USP33: variants seen among roughly 807,000 people sequenced by gnomAD.
USP33 encodes ubiquitin carboxyl-terminal hydrolase 33.
Under a neutral mutation model 124.2 loss-of-function variants are expected in USP33, and 46 were observed. The observed-to-expected ratio is 0.37, with a 90% CI of 0.29 to 0.47. The LOEUF is 0.47. USP33 is among the 20% of genes least tolerant of loss of function. USP33 has a pLI of 0.99. For synonymous variants in USP33, 350 were observed against 352.3 expected (o/e 0.99, Z 0.07); for missense variants, 851 against 1,070.6 (o/e 0.79, Z 2.86).
chr1:77,730,578 A>G, intron 8 of USP33, 40 bp downstream of exon 8: 1 of 1,370,638 alleles, frequency 7.3e-7, no homozygotes, highest in Non-Finnish European at 9.8e-7. Context: ...ATATTCATTT[A>G]AAAGTTTAAT....
intron 21 of USP33, among the ~76,000 whole-genome samples, chr1:77,709,902 C>T (rs1675052438): frequency 6.6e-6 from 1 of 151,670 alleles, no homozygotes; most frequent in Middle Eastern, 3.2e-3. Context: ...CACACACACA[C>T]ACACACACAC....
chr1:77,749,426 G>T (rs1168708083), intron 1 of USP33, among the ~76,000 whole-genome samples: 1 of 151,402 alleles, frequency 6.6e-6, no homozygotes, highest in Non-Finnish European at 1.5e-5. Context: ...CTGCTGCCCA[G>T]GCTGGAGTGC....
chr1:77,721,070 C>T (rs947215828), intron 15 of USP33, 102 bp downstream of exon 15: 5 of 1,313,364 alleles, frequency 3.8e-6, no homozygotes, highest in South Asian at 2.5e-5. Context: ...TTCTGGCCTA[C>T]ATTTTTCTAA....
intron 10 of USP33, among the ~76,000 whole-genome samples, chr1:77,726,305 G>A (rs1258256066): frequency 1.3e-5 from 2 of 151,586 alleles, no homozygotes; most frequent in Admixed American, 1.3e-4. Flanking sequence ...GTGAGCAGTG[G>A]AAATACAAAG....
chr1:77,726,862 GAAAATAT>G (rs553409429), intron 10 of USP33, among the ~76,000 whole-genome samples: 133 of 152,174 alleles, frequency 8.7e-4, no homozygotes, highest in African/African-American at 3.0e-3. Context: ...GATGAATCAA[GAAAATAT>G]AAGAGCTACC....
At chr1:77,713,598 T>C (rs919427992) in intron 19 of USP33, 50 of 230,826 alleles carry the variant, frequency 2.2e-4, no homozygotes, top group Non-Finnish European at 3.2e-4. Context: ...GCTCTCATTA[T>C]GTTGCCCAGG....
chr1:77,713,086 T>C, intron 20 of USP33, 114 bp downstream of exon 20: 1 of 802,916 alleles, frequency 1.2e-6, no homozygotes, highest in Non-Finnish European at 2.0e-6. Flanking sequence ...AATGAATAAG[T>C]AAGGGAAAAG....
intron 1 of USP33, among the ~76,000 whole-genome samples, chr1:77,751,745 G>C (rs969478122): frequency 1.3e-5 from 2 of 151,824 alleles, no homozygotes; most frequent in African/African-American, 4.8e-5. Context: ...CTTGAGTGCA[G>C]TGGCGCGATC....
intron 15 of USP33, chr1:77,720,303 G>T (rs1228201365): frequency 1.0e-6 from 1 of 984,532 alleles, no homozygotes. Flanking sequence ...TAGATGCAAG[G>T]TTCTTTTCCA....
chr1:77,751,712 G>A (rs989883561), intron 1 of USP33, among the ~76,000 whole-genome samples: 86 of 151,236 alleles, frequency 5.7e-4, no homozygotes, highest in African/African-American at 1.9e-3. Flanking sequence ...TTTTTGAGAC[G>A]GAGTCTTGCT....
chr1:77,725,742 A>C lies in USP33; in HGVS notation c.1156T>G (p.Ser386Ala). ...ATCTGTGGTGTAGACAGGTCATTCG[A>C]ATGGACATCAGTGATATATTCTGTA... ...RASEYITDVH[S>A]NDLSTPQILP... The change falls in exon 11 of 24, where the codon TCG becomes GCG. Residue 386 changes from serine to alanine, a missense_variant. Transcript: ENST00000370794. The C allele has an allele frequency of 6.2e-7, 1 of 1,613,274 alleles. No homozygotes were observed. Among genetic ancestry groups the C allele is most frequent in the Non-Finnish European group, 8.5e-7 (1 of 1,179,726 alleles).
chr1:77,719,990 C>T (rs759338923), intron 15 of USP33, among the ~76,000 whole-genome samples: 11 of 151,514 alleles, frequency 7.3e-5, no homozygotes, highest in Non-Finnish European at 1.2e-4. Context: ...GACAAAACCC[C>T]ATTTCTACAA....
At chr1:77,715,243 G>A (rs1037648189) in intron 18 of USP33, among the ~76,000 whole-genome samples, 1 of 151,474 alleles carries the variant, frequency 6.6e-6, no homozygotes. Flanking sequence ...GTCTCACTCT[G>A]TTGCCGAGGC....
intron 9 of USP33, 44 bp from the exon 10 acceptor site, chr1:77,728,756 T>G (rs776470762): frequency 1.2e-5 from 19 of 1,561,772 alleles, no homozygotes; most frequent in Non-Finnish European, 8.6e-6. Flanking sequence ...ATTACATGTG[T>G]ATATAGAAAC....
At chr1:77,706,337 T>C (rs1399302400) in intron 21 of USP33, among the ~76,000 whole-genome samples, 1 of 152,230 alleles carries the variant, frequency 6.6e-6, no homozygotes, top group Admixed American at 6.5e-5. Context: ...ACCTATCTTC[T>C]TAAGGGTAAT....
chr1:77,699,810 A>T (rs966754627), intron 22 of USP33, among the ~76,000 whole-genome samples: 1 of 152,250 alleles, frequency 6.6e-6, no homozygotes, highest in African/African-American at 2.4e-5. Context: ...CATCTATGAT[A>T]GACTGGATAA....
intron 1 of USP33, among the ~76,000 whole-genome samples, chr1:77,751,636 G>A (rs1186479036): frequency 6.6e-6 from 1 of 152,154 alleles, no homozygotes; most frequent in Non-Finnish European, 1.5e-5. Context: ...ACTCCCGCCT[G>A]AGTGACAGAG....
chr1:77,728,107 C>T (rs1677364634), intron 10 of USP33, among the ~76,000 whole-genome samples, 188 bp downstream of exon 10: 1 of 152,136 alleles, frequency 6.6e-6, no homozygotes, highest in South Asian at 2.1e-4. Context: ...GGATTAATTT[C>T]TTATATAATT....
intron 1 of USP33, among the ~76,000 whole-genome samples, chr1:77,744,117 T>G (rs1366547229): frequency 7.8e-6 from 1 of 127,882 alleles, no homozygotes; most frequent in Admixed American, 7.4e-5. Flanking sequence ...AGCAAGACTC[T>G]GTCTCAAAAA....
Sources: gnomAD v4.1 joint callset for allele counts (sites outside exome capture counted in the v4.1 genomes callset) on GRCh38, gnomAD v4.1.1 for gene constraint, MANE v1.5 for transcripts, NCBI Gene and HGNC (gene_info 2026-07-23, HGNC 2026-07-21) for gene names.